CAST: variants seen among roughly 807,000 people sequenced by gnomAD.
The protein encoded by CAST is calpastatin, also known as MIR583 host.
CAST carries 76 observed loss-of-function variants against 119.6 expected under a neutral mutation model. The observed-to-expected ratio is 0.64, with a 90% CI of 0.53 to 0.77. CAST has a LOEUF of 0.77. Ranked by LOEUF, CAST falls within the 30% of genes least tolerant of loss-of-function variation. The probability of loss-of-function intolerance (pLI) is 0.00; values close to 1 mark genes in which losing one functional copy is unlikely to be tolerated. For missense variants in CAST, 953 were observed against 946.5 expected (o/e 1.01, Z -0.09); for synonymous variants, 319 against 331.6 (o/e 0.96, Z 0.41).
the CAST span, among the ~76,000 whole-genome samples, chr5:96,015,857 G>A: frequency 6.6e-6 from 1 of 152,100 alleles, no homozygotes; most frequent in Admixed American, 6.6e-5. Context: ...GGTATTGTGG[G>A]GAACTTCATC....
At chr5:96,673,065 T>G (rs1316386940) in intron 1 of CAST, among the ~76,000 whole-genome samples, 1 of 152,210 alleles carries the variant, frequency 6.6e-6, no homozygotes, top group Non-Finnish European at 1.5e-5. Context: ...TTAAAGTTTC[T>G]CTTTTGTGAA....
the CAST span, among the ~76,000 whole-genome samples, chr5:96,505,227 A>T: frequency 6.6e-6 from 1 of 152,234 alleles, no homozygotes; most frequent in South Asian, 2.1e-4. Flanking sequence ...TCAAGGTTGT[A>T]TTGGCCATGA....
At chr5:96,092,866 T>C in the CAST span, among the ~76,000 whole-genome samples, 426 of 152,310 alleles carry the variant, frequency 2.8e-3, 2 homozygotes, top group African/African-American at 1.0e-2. Context: ...CCCCTTCATT[T>C]TGGAGAGACA....
At chr5:96,567,606 C>A (rs1746493198) in intron 1 of CAST, among the ~76,000 whole-genome samples, 1 of 152,146 alleles carries the variant, frequency 6.6e-6, no homozygotes, top group Non-Finnish European at 1.5e-5. Context: ...TGTACTTAAC[C>A]ATTTTCCTAA....
chr5:96,159,798 T>C, the CAST span, among the ~76,000 whole-genome samples: 2 of 152,146 alleles, frequency 1.3e-5, no homozygotes, highest in Non-Finnish European at 1.5e-5. Flanking sequence ...TTGTTTGTTT[T>C]AAAAATAACA....
the CAST span, among the ~76,000 whole-genome samples, chr5:96,481,259 A>AATCTACT: frequency 6.6e-6 from 1 of 152,114 alleles, no homozygotes; most frequent in African/African-American, 2.4e-5. Context: ...ACTGACTGTG[A>AATCTACT]ATCTACTAAA....
chr5:96,563,886 TC>T (rs1315782530), intron 1 of CAST, among the ~76,000 whole-genome samples: 11 of 152,222 alleles, frequency 7.2e-5, no homozygotes, highest in Admixed American at 6.5e-4. Flanking sequence ...CGCAAGTGTT[TC>T]CTTGCCTTTT....
chr5:96,578,085 T>C (rs979890338), intron 1 of CAST, among the ~76,000 whole-genome samples: 1 of 152,142 alleles, frequency 6.6e-6, no homozygotes, highest in Non-Finnish European at 1.5e-5. Flanking sequence ...TCAGTTCTAT[T>C]GGTTCTTGCC....
chr5:96,517,177 C>T, the CAST span, among the ~76,000 whole-genome samples: 2 of 149,414 alleles, frequency 1.3e-5, 1 homozygote, highest in African/African-American at 4.9e-5. Context: ...AGTTTTTCTA[C>T]TGTTAAAAGA....
At chr5:96,045,311 C>T in the CAST span, among the ~76,000 whole-genome samples, 3 of 151,250 alleles carry the variant, frequency 2.0e-5, no homozygotes, top group African/African-American at 7.3e-5. Context: ...TGAGATGGCG[C>T]CATTGCACTC....
chr5:96,519,046 G>A, the CAST span, among the ~76,000 whole-genome samples: 3 of 152,200 alleles, frequency 2.0e-5, no homozygotes, highest in East Asian at 5.8e-4. Flanking sequence ...GGGTGACAGA[G>A]CGAAACTGTC....
At chr5:96,038,961 T>C in the CAST span, among the ~76,000 whole-genome samples, 1 of 152,186 alleles carries the variant, frequency 6.6e-6, no homozygotes, top group Non-Finnish European at 1.5e-5. Flanking sequence ...TCTTCCACAA[T>C]GGTTGAACTA....
At chr5:96,555,406 G>A (rs923410668) in intron 1 of CAST, among the ~76,000 whole-genome samples, 14 of 152,186 alleles carry the variant, frequency 9.2e-5, no homozygotes, top group East Asian at 3.9e-4. Flanking sequence ...CGCACCCAGC[G>A]TGAGCCGAAG....
intron 1 of CAST, among the ~76,000 whole-genome samples, chr5:96,590,073 C>T (rs1262752078): frequency 1.3e-5 from 2 of 152,188 alleles, no homozygotes; most frequent in Admixed American, 6.5e-5. Context: ...GCTCTGCTAA[C>T]TAATTTTAAA....
At chr5:96,472,123 G>T in the CAST span, among the ~76,000 whole-genome samples, 1 of 152,004 alleles carries the variant, frequency 6.6e-6, no homozygotes, top group African/African-American at 2.4e-5. Flanking sequence ...CTCTAATTGG[G>T]GTCTACAACT....
the CAST span, among the ~76,000 whole-genome samples, chr5:96,081,981 T>TC: frequency 1.9e-3 from 284 of 152,284 alleles, no homozygotes; most frequent in Middle Eastern, 6.8e-3. Context: ...CGGCGTGATC[T>TC]CGGCTCACTG....
In CAST at chr5:96,631,188, A is replaced by G. The variant is rs185622481; in HGVS notation, c.61-44351A>G. 17 of 141,034 alleles carry G rather than the reference A, an allele frequency of 1.2e-4. 5 individuals are homozygous for G. In the Admixed American group the frequency reaches 1.2e-3, roughly 10 times the overall value. 8.7% of individuals were successfully genotyped at this position (141,034 alleles called of 1,614,324 possible). A position where few individuals can be genotyped will look rare whatever the true frequency, so the allele number is the denominator to read the frequency against. ...AGCAAGTTCACTCTGTTGTACAACC[A>G]TCACCACTATCTAACTCCAGAACAT... On this transcript the variant is annotated intron_variant, in intron 1 of 11. Coordinates refer to the CAST transcript ENST00000505143.
intron 2 of CAST, chr5:96,675,871 A>C (rs776200753): frequency 9.2e-6 from 3 of 324,662 alleles, no homozygotes; most frequent in African/African-American, 2.1e-5. Flanking sequence ...GAACTGGTGA[A>C]TCCAAATTGT....
the CAST span, among the ~76,000 whole-genome samples, chr5:96,324,038 T>C: frequency 1.3e-5 from 2 of 152,184 alleles, no homozygotes; most frequent in African/African-American, 2.4e-5. Context: ...ATTCCAAAAA[T>C]CCTGTTAATT....
Sources: gnomAD v4.1 joint callset for allele counts (sites outside exome capture counted in the v4.1 genomes callset) on GRCh38, gnomAD v4.1.1 for gene constraint, MANE v1.5 for transcripts, NCBI Gene and HGNC (gene_info 2026-07-23, HGNC 2026-07-21) for gene names.